The following SF3A2 variants were observed in gnomAD, a reference collection of about 807,000 sequenced individuals.
SF3A2 encodes SAP 62.
In SF3A2, 5 loss-of-function variants were observed where a neutral mutation model predicts 31.1. That is an observed-to-expected ratio of 0.16 (90% CI 0.08 to 0.34). SF3A2 has a LOEUF of 0.34. Ranked by LOEUF, SF3A2 falls within the 10% of genes least tolerant of loss-of-function variation. The pLI is 1.00. For synonymous variants in SF3A2, 365 were observed against 263.7 expected (o/e 1.38, Z -3.72); for missense variants, 577 against 643.9 (o/e 0.90, Z 1.13).
At chr19:2,242,417 C>A (rs1025106069) in intron 1 of SF3A2, among the ~76,000 whole-genome samples, 5 of 152,200 alleles carry the variant, frequency 3.3e-5, no homozygotes, top group African/African-American at 1.2e-4. Context: ...CCTTCCTCCC[C>A]ATTCACAGCC....
At chr19:2,243,753 GAC>G (rs1568388911) in intron 2 of SF3A2, among the ~76,000 whole-genome samples, 1 of 152,248 alleles carries the variant, frequency 6.6e-6, no homozygotes, top group Non-Finnish European at 1.5e-5. Flanking sequence ...GTCCCATGTG[GAC>G]ATGTTTTGTT....
intron 2 of SF3A2, 115 bp from the exon 3 acceptor site, chr19:2,244,429 A>G: frequency 2.5e-6 from 2 of 794,066 alleles, no homozygotes; most frequent in Non-Finnish European, 4.2e-6. Flanking sequence ...CCATGCCTCT[A>G]CAGAAGGGGG....
chr19:2,244,850 G>A (rs45486197), intron 4 of SF3A2, 71 bp downstream of exon 4: 82,617 of 1,442,524 alleles, frequency 0.057, 2,603 homozygotes, highest in Non-Finnish European at 0.066. Flanking sequence ...TGAGCCTCGC[G>A]GGCCACTGCT....
At position 2,243,439 on chromosome 19, in the gene SF3A2, C is replaced by A. The variant is rs771523786; in HGVS notation, c.21C>A (p.Pro7=). 2 of 1,553,064 alleles carry A rather than the reference C, an allele frequency of 1.3e-6. No individual in the cohort carries two copies. The highest frequency in any genetic ancestry group is 8.7e-7 in the Non-Finnish European group (1 of 1,155,684). MDFQHR[P]GGKTGSGGVA... is the part of the protein sequence containing the mutation. ...TCACCATGGACTTCCAGCATCGCCC[C>A]GGGGGCAAGACCGGGAGCGGGGGCG... Residue 7 remains proline (P), a synonymous_variant, in exon 2 of 9, where the codon CCC becomes CCA. Transcript: ENST00000221494.
intron 3 of SF3A2, 33 bp downstream of exon 3, chr19:2,244,648 G>A (rs755380436): frequency 6.8e-6 from 11 of 1,611,562 alleles, no homozygotes; most frequent in South Asian, 1.1e-5. Flanking sequence ...GGCGGCTCGC[G>A]GCGGGCTGAG....
Position 2,247,598 on chromosome 19 carries a change from C to T in SF3A2, c.551C>T (p.Pro184Leu), listed in dbSNP as rs768347232. The T allele has an allele frequency of 5.6e-6, 9 of 1,613,290 alleles. No homozygotes were observed. Among genetic ancestry groups the T allele is most frequent in the East Asian group, 2.2e-5 (1 of 44,872 alleles). Reference protein sequence around the residue: ...EPYETIAFKVPSREIDKAEGK... With the variant: ...EPYETIAFKVLSREIDKAEGK... ...CTCTGTCCCCCGCCCTCCCAGGTGC[C>T]GAGCAGAGAGATCGACAAGGCGGAG... Residue 184 changes from proline to leucine, a missense_variant, in exon 8 of 9, where the codon CCG becomes CTG. This residue lies in a region of SF3A2 where 37 missense variants were observed against 85.0 expected (regional missense o/e 0.44). Transcript: ENST00000221494.
intron 1 of SF3A2, among the ~76,000 whole-genome samples, chr19:2,240,726 A>C (rs947188724): frequency 2.0e-5 from 3 of 152,204 alleles, no homozygotes; most frequent in African/African-American, 7.2e-5. Flanking sequence ...TTTGCCATCT[A>C]AGTTCCTTCT....
chr19:2,248,216 TG>T lies in SF3A2; in HGVS notation c.1069del (p.Val357PhefsTer89). The T allele has an allele frequency of 2.0e-6, 2 of 994,094 alleles. No homozygotes were observed. The highest frequency in any genetic ancestry group is 1.3e-6 in the Non-Finnish European group (1 of 790,134). 61.6% of individuals were successfully genotyped at this position (994,094 alleles called of 1,614,324 possible). ...PAPGVHPPAPGVHPPAPGVHP... is the reference protein window; with the variant it reads ...PAPGVHPPAPXVHPPAPGVHP... Reference sequence around the variant, plus strand: ...CCCCCGGAGTCCACCCACCAGCCCCTGGGGTTCACCCACCAGCCCCAGGGGT... The same window carrying T: ...CCCCCGGAGTCCACCCACCAGCCCCTGGGTTCACCCACCAGCCCCAGGGGT... On this transcript the variant is annotated frameshift_variant, in exon 9 of 9. Transcript: ENST00000221494. LOFTEE classifies it low-confidence loss of function (END_TRUNC).
At position 2,244,561 on chromosome 19, in the gene SF3A2, G is replaced by A. The variant is rs1324634262; in HGVS notation, c.144G>A (p.Lys48=). The A allele has an allele frequency of 1.9e-6, 3 of 1,614,038 alleles. No homozygotes were observed. The highest frequency in any genetic ancestry group is 2.2e-5 in the East Asian group (1 of 44,892). Residue 48 remains lysine, a synonymous_variant, in exon 3 of 9, where the codon AAG becomes AAA. Transcript: ENST00000221494. ...IDINKDPYFM[K]NHLGSYECKL... ...CCCTCCAGGACCCGTACTTCATGAAGAACCACCTGGGCTCCTATGAATGCA... is the reference window on the plus strand; with the variant it reads ...CCCTCCAGGACCCGTACTTCATGAAAAACCACCTGGGCTCCTATGAATGCA...
rs776637034 is a variant in SF3A2 at position 2,248,477 on chromosome 19, C to T, written c.1326C>T (p.Pro442=). 4 of 1,203,594 alleles carry T rather than the reference C, an allele frequency of 3.3e-6. No homozygotes were observed. The Admixed American group carries it at 1.4e-4, about 43-fold the overall frequency. The allele number at this position is 1,203,594 out of a possible 1,614,324, so 74.6% of individuals were successfully genotyped here. The change falls in exon 9 of 9, where the codon CCC becomes CCT. Residue 442 remains proline (P), a synonymous_variant. Transcript: ENST00000221494. ...GGGTGCACCCCCCAACTCCCATGCC[C>T]CCAATGCTGAGGCCCCCACTTCCCT... ...NPGVHPPTPM[P]PMLRPPLPSE...
Position 2,248,085 on chromosome 19 carries a change from G to C in SF3A2, c.934G>C (p.Ala312Pro), listed in dbSNP as rs2024959089. 2 of 945,410 alleles carry C rather than the reference G, an allele frequency of 2.1e-6. No individual in the cohort carries two copies. The highest frequency in any genetic ancestry group is 1.7e-5 in the African/African-American group (1 of 57,286). 58.6% of individuals were successfully genotyped at this position (945,410 alleles called of 1,614,324 possible). A position where few individuals can be genotyped will look rare whatever the true frequency, so the allele number is the denominator to read the frequency against. ...HPPAPGVHPP[A>P]PGVHPPAPGV... ...CCCAGCTCCTGGCGTCCACCCCCCA[G>C]CTCCTGGCGTCCATCCCCCAGCCCC... Residue 312 changes from alanine (A) to proline (P), a missense_variant, in exon 9 of 9, where the codon GCT (alanine) becomes CCT (proline). Physicochemically the swap from Ala to Pro is conservative, Grantham distance 27. Coordinates refer to ENST00000221494, the MANE Select transcript of SF3A2 (RefSeq NM_007165.5).
intron 1 of SF3A2, among the ~76,000 whole-genome samples, chr19:2,239,989 G>C (rs534246901): frequency 5.0e-4 from 76 of 152,146 alleles, no homozygotes; most frequent in Non-Finnish European, 1.0e-3. Context: ...CTTTGTTCTC[G>C]GATGCGTGTG....
At chr19:2,239,829 T>C (rs1321964700) in intron 1 of SF3A2, among the ~76,000 whole-genome samples, 1 of 152,196 alleles carries the variant, frequency 6.6e-6, no homozygotes, top group African/African-American at 2.4e-5. Context: ...TGGAATTTTT[T>C]GTTTGGATCG....
Position 2,248,229 on chromosome 19 carries a change from C to A in SF3A2, c.1078C>A (p.Pro360Thr). Residue 360 changes from proline (P) to threonine (T), a missense_variant, in exon 9 of 9, where the codon CCA becomes ACA. Transcript: ENST00000221494. Reference protein sequence around the residue: ...VHPPAPGVHPPAPGVHPPPSA... With the variant: ...VHPPAPGVHPTAPGVHPPPSA... ...CCCACCAGCCCCTGGGGTTCACCCA[C>A]CAGCCCCAGGGGTCCATCCTCCCCC... 6.9e-7 allele frequency: 1 copy of A among 1,456,874 alleles called. No homozygotes were observed. Among genetic ancestry groups the A allele is most frequent in the Non-Finnish European group, 9.1e-7 (1 of 1,098,280 alleles). 90.2% of individuals were successfully genotyped at this position (1,456,874 alleles called of 1,614,324 possible).
rs2024929692 is a variant in SF3A2 at position 2,246,071 on chromosome 19, A to G, written c.355+516A>G. Among the ~76,000 whole-genome samples, 1 of 152,212 alleles carries G rather than the reference A, an allele frequency of 6.6e-6. No homozygotes were observed. Among genetic ancestry groups the G allele is most frequent in the Non-Finnish European group, 1.5e-5 (1 of 68,042 alleles). On this transcript the variant is annotated intron_variant, in intron 5 of 8. Coordinates refer to ENST00000221494, the MANE Select transcript of SF3A2 (RefSeq NM_007165.5). The surrounding 1 kb of genome is among the most constrained non-coding windows in gnomAD (Gnocchi z 5.5). The stretch of plus-strand genomic sequence containing the variant: ...AGGAAGGCGGGCACGCTACCCAGCA[A>G]GTGTTCTTTACAGAAGGCGGGGACA...
chr19:2,240,353 A>G (rs911513464), intron 1 of SF3A2, among the ~76,000 whole-genome samples: 2 of 152,132 alleles, frequency 1.3e-5, no homozygotes, highest in Non-Finnish European at 2.9e-5. Context: ...AGGCCCTTTT[A>G]TACCAGTTCT....
Position 2,243,413 on chromosome 19 carries a change from A to G in SF3A2, c.-6A>G. On this transcript the variant is annotated 5_prime_UTR_variant, in exon 2 of 9. Coordinates refer to ENST00000221494, the MANE Select transcript of SF3A2 (RefSeq NM_007165.5). ...CCCAGTCTGCTAAAGCCCTAAGGCCATCACCATGGACTTCCAGCATCGCCC... is the reference window on the plus strand; with the variant it reads ...CCCAGTCTGCTAAAGCCCTAAGGCCGTCACCATGGACTTCCAGCATCGCCC... The G allele has an allele frequency of 6.5e-7, 1 of 1,537,506 alleles. No homozygotes were observed. Among genetic ancestry groups the G allele is most frequent in the Non-Finnish European group, 8.7e-7 (1 of 1,148,888 alleles).
chr19:2,248,065 C>A lies in SF3A2; in HGVS notation c.914C>A (p.Ala305Asp). Residue 305 changes from alanine to aspartate, a missense_variant, in exon 9 of 9, where the codon GCT (alanine) becomes GAT (aspartate). This residue lies in a region of SF3A2 where 462 missense variants were observed against 339.1 expected (regional missense o/e 1.36). Transcript: ENST00000221494. ...CCTGCATCTGGGGTCCATCCCCCAG[C>A]TCCTGGCGTCCACCCCCCAGCTCCT... The part of the protein sequence containing the change: ...HPPASGVHPP[A>D]PGVHPPAPGV... The A allele has an allele frequency of 1.1e-6, 1 of 925,486 alleles. No individual in the cohort carries two copies. Among genetic ancestry groups the A allele is most frequent in the Non-Finnish European group, 1.7e-6 (1 of 600,584 alleles). The allele number at this position is 925,486 out of a possible 1,614,324, so 57.3% of individuals were successfully genotyped here.
intron 2 of SF3A2, 52 bp from the exon 3 acceptor site, chr19:2,244,492 C>A: frequency 6.8e-7 from 1 of 1,469,682 alleles, no homozygotes; most frequent in African/African-American, 1.4e-5. Flanking sequence ...AGGGCCTTGA[C>A]GGCAGCAGGC....
Sources: allele counts gnomAD v4.1 joint callset (sites outside exome capture counted in the v4.1 genomes callset), GRCh38; gene constraint gnomAD v4.1.1; regional missense constraint gnomAD v4.1.1; non-coding constraint Gnocchi (gnomAD v3.1); transcripts MANE v1.5; gene names NCBI Gene and HGNC (gene_info 2026-07-23, HGNC 2026-07-21).